The following AOPEP variants were observed in gnomAD, a reference collection of about 807,000 sequenced individuals.
AOPEP encodes aminopeptidase O.
In AOPEP, 77 loss-of-function variants were observed where a neutral mutation model predicts 98.1. That is an observed-to-expected ratio of 0.78 (90% CI 0.65 to 0.95). The LOEUF is 0.95. Ranked by LOEUF, AOPEP falls within the 40% of genes least tolerant of loss-of-function variation. The pLI is 0.00. For synonymous variants in AOPEP, 346 were observed against 365.3 expected, an observed-to-expected ratio of 0.95 and a Z score of 0.60; for missense variants, 1,024 against 1,024.7, an observed-to-expected ratio of 1.00 and a Z score of 0.01.
At chr9:94,806,823 G>A (rs1436926241) in intron 5 of AOPEP, among the ~76,000 whole-genome samples, 3 of 152,190 alleles carry the variant, frequency 2.0e-5, no homozygotes, top group Non-Finnish European at 4.4e-5. Context: ...AGCAAGGTAG[G>A]TAGTGAGAAT....
chr9:95,138,362 C>T, the AOPEP span, among the ~76,000 whole-genome samples: 1 of 152,172 alleles, frequency 6.6e-6, no homozygotes, highest in South Asian at 2.1e-4. Flanking sequence ...AAAGGCTTTT[C>T]CATCCAGGTG....
intron 13 of AOPEP, among the ~76,000 whole-genome samples, chr9:95,007,792 A>G (rs983587488): frequency 2.6e-5 from 4 of 152,212 alleles, no homozygotes; most frequent in Non-Finnish European, 5.9e-5. Context: ...GAGGCAAAAC[A>G]TGCGATATTT....
Position 95,006,778 on chromosome 9 carries a change from G to A in AOPEP, c.2115+1162G>A, listed in dbSNP as rs73657028. Among the ~76,000 whole-genome samples the A allele has an allele frequency of 3.1e-3, 467 of 152,090 alleles. 1 individual carries two copies. Among genetic ancestry groups the A allele is most frequent in the African/African-American group, 0.011 (453 of 41,458 alleles). ...ACCTCAGCATGGTATGGTAAGTTGT[G>A]TTTAATGGTTTAGGTGTTTTTTTAA... On this transcript the variant is annotated intron_variant, in intron 13 of 16. Coordinates refer to ENST00000375315, the MANE Select transcript of AOPEP (RefSeq NM_001193329.3).
chr9:95,150,018 G>A, the AOPEP span: 2 of 1,614,076 alleles, frequency 1.2e-6, no homozygotes, highest in Non-Finnish European at 1.7e-6. Context: ...CCACCAGGGG[G>A]TCAACATCTG....
chr9:95,039,297 TG>T (rs1399299232), intron 13 of AOPEP, among the ~76,000 whole-genome samples: 2 of 152,186 alleles, frequency 1.3e-5, no homozygotes, highest in African/African-American at 4.8e-5. Context: ...CCAGGTGCGG[TG>T]GCTCATGCCT....
chr9:94,808,045 CTTT>C (rs1385115392), intron 5 of AOPEP, among the ~76,000 whole-genome samples: 7 of 142,588 alleles, frequency 4.9e-5, no homozygotes, highest in Non-Finnish European at 4.6e-5. Context: ...TTTTTTCTTT[CTTT>C]TTTTTTTTTT....
chr9:95,003,163 T>TGC (rs1359308102), intron 11 of AOPEP, among the ~76,000 whole-genome samples: 8 of 150,598 alleles, frequency 5.3e-5, no homozygotes, highest in South Asian at 2.1e-4. Context: ...TGTGTGTGTG[T>TGC]GTGCGCGCGC....
chr9:94,941,587 A>G (rs544013110), intron 7 of AOPEP, among the ~76,000 whole-genome samples: 1 of 152,310 alleles, frequency 6.6e-6, no homozygotes, highest in Non-Finnish European at 1.5e-5. Context: ...CTGCCCACTC[A>G]GTTTGTTTCC....
intron 13 of AOPEP, among the ~76,000 whole-genome samples, chr9:95,046,143 G>T (rs185007994): frequency 6.6e-6 from 1 of 152,348 alleles, no homozygotes; most frequent in Non-Finnish European, 1.5e-5. Flanking sequence ...TGAACAAATA[G>T]TGTCGGAATC....
chr9:94,730,829 G>T (rs1830348934), intron 1 of AOPEP, among the ~76,000 whole-genome samples: 1 of 152,104 alleles, frequency 6.6e-6, no homozygotes. Flanking sequence ...GACATAGTTG[G>T]GTCGGTGGTT....
chr9:94,796,409 A>G (rs1846943187), intron 4 of AOPEP, among the ~76,000 whole-genome samples: 1 of 152,202 alleles, frequency 6.6e-6, no homozygotes, highest in Non-Finnish European at 1.5e-5. Flanking sequence ...TTCATCCATT[A>G]CATGTCTGAC....
At chr9:94,973,053 A>G (rs948021085) in intron 10 of AOPEP, among the ~76,000 whole-genome samples, 15 of 152,236 alleles carry the variant, frequency 9.9e-5, no homozygotes, top group African/African-American at 3.6e-4. Flanking sequence ...TGTAAATTGA[A>G]TTCCAGAAAA....
At chr9:94,871,907 T>C (rs150511404) in intron 5 of AOPEP, among the ~76,000 whole-genome samples, 1,665 of 152,178 alleles carry the variant, frequency 0.011, 33 homozygotes, top group African/African-American at 0.039. Context: ...CTCGGGAGGC[T>C]GAGGTGGGAG....
chr9:94,801,048 T>G, intron 5 of AOPEP, 46 bp downstream of exon 5: 1 of 1,604,732 alleles, frequency 6.2e-7, no homozygotes, highest in Middle Eastern at 1.7e-4. Context: ...ATTTTGGAAA[T>G]TCTTTGACTA....
intron 9 of AOPEP, among the ~76,000 whole-genome samples, chr9:94,958,253 G>C (rs1026449926): frequency 3.3e-5 from 5 of 152,160 alleles, no homozygotes; most frequent in African/African-American, 4.8e-5. Flanking sequence ...ATGCTCCATT[G>C]CATGTATATA....
At chr9:95,005,678 G>T in intron 13 of AOPEP, 62 bp downstream of exon 13, 1 of 1,341,886 alleles carries the variant, frequency 7.5e-7, no homozygotes, top group Admixed American at 1.7e-5. Flanking sequence ...GCCCCGTGAG[G>T]ACCTGGTCAT....
At chr9:94,847,175 C>CTG (rs1423248038) in intron 5 of AOPEP, among the ~76,000 whole-genome samples, 2 of 145,206 alleles carry the variant, frequency 1.4e-5, no homozygotes, top group Non-Finnish European at 3.1e-5. Flanking sequence ...CTCTCTCTCT[C>CTG]TCTCTGTCTC....
At chr9:94,785,432 A>C (rs550370927) in intron 3 of AOPEP, among the ~76,000 whole-genome samples, 1 of 152,228 alleles carries the variant, frequency 6.6e-6, no homozygotes, top group Non-Finnish European at 1.5e-5. Context: ...AGACAACTGA[A>C]GTATGAGAGT....
At chr9:94,875,168 G>A (rs2046770107) in intron 5 of AOPEP, among the ~76,000 whole-genome samples, 2 of 151,574 alleles carry the variant, frequency 1.3e-5, no homozygotes, top group South Asian at 4.2e-4. Context: ...TACCCTTTAG[G>A]GTGTTAAAGC....
Sources: allele counts gnomAD v4.1 joint callset (sites outside exome capture counted in the v4.1 genomes callset), GRCh38; gene constraint gnomAD v4.1.1; transcripts MANE v1.5; gene names NCBI Gene and HGNC (gene_info 2026-07-23, HGNC 2026-07-21).